HDAC9: variants seen among roughly 807,000 people sequenced by gnomAD.
HDAC9 encodes histone deacetylase 9.
A neutral mutation model predicts 139.4 loss-of-function variants in HDAC9; 41 were observed. The observed-to-expected ratio is 0.29, with a 90% CI of 0.23 to 0.38. HDAC9 has a LOEUF of 0.38. HDAC9 is among the 10% of genes least tolerant of loss of function. The probability of loss-of-function intolerance (pLI) is 1.00; values close to 1 mark genes in which losing one functional copy is unlikely to be tolerated. For synonymous variants in HDAC9, 517 were observed against 476.2 expected, an observed-to-expected ratio of 1.09 and a Z score of -1.12; for missense variants, 1,147 against 1,297.0, an observed-to-expected ratio of 0.88 and a Z score of 1.78.
At chr7:18,980,741 TCTTC>T (rs1249198192) in intron 25 of HDAC9, among the ~76,000 whole-genome samples, 1 of 101,818 alleles carries the variant, frequency 9.8e-6, no homozygotes, top group African/African-American at 4.4e-5. Context: ...TTCTTCTTCT[TCTTC>T]CTTCTTCTTC....
chr7:18,447,325 C>T (rs1179084891), intron 1 of HDAC9, among the ~76,000 whole-genome samples: 9 of 152,130 alleles, frequency 5.9e-5, no homozygotes, highest in Middle Eastern at 3.4e-3. Context: ...ACTTATATAT[C>T]GCTTACCACA....
intron 17 of HDAC9, among the ~76,000 whole-genome samples, chr7:18,819,775 T>C (rs2129197862): frequency 6.6e-6 from 1 of 152,334 alleles, no homozygotes; most frequent in Non-Finnish European, 1.5e-5. Context: ...TTAGTCATGT[T>C]CATGCCTGAA....
intron 4 of HDAC9, 40 bp downstream of exon 4, chr7:18,590,526 A>G (rs1263593101): frequency 1.3e-6 from 2 of 1,552,164 alleles, no homozygotes; most frequent in Admixed American, 2.0e-5. Flanking sequence ...CTCTTTCCTC[A>G]TCGTTAGCTG....
At chr7:18,628,022 T>G (rs1339510912) in intron 6 of HDAC9, among the ~76,000 whole-genome samples, 7 of 152,178 alleles carry the variant, frequency 4.6e-5, no homozygotes, top group Non-Finnish European at 7.3e-5. Flanking sequence ...AGAAGAATTG[T>G]AAGTTCTACC....
At chr7:18,450,505 C>T (rs1792716027) in intron 1 of HDAC9, among the ~76,000 whole-genome samples, 1 of 152,204 alleles carries the variant, frequency 6.6e-6, no homozygotes, top group Admixed American at 6.5e-5. Flanking sequence ...GCCCCTTTCC[C>T]AGTTCTGGTT....
At chr7:18,212,590 C>CA (rs1358406609) in intron 2 of HDAC9, among the ~76,000 whole-genome samples, 3 of 152,138 alleles carry the variant, frequency 2.0e-5, no homozygotes, top group African/African-American at 7.2e-5. Context: ...AATAATTGTA[C>CA]CAGCCTCCTA....
At chr7:18,912,581 T>G (rs1024010901) in intron 22 of HDAC9, among the ~76,000 whole-genome samples, 17 of 152,172 alleles carry the variant, frequency 1.1e-4, no homozygotes, top group African/African-American at 3.9e-4. Flanking sequence ...TTGCCACAAC[T>G]TGAAGGTCCC....
chr7:18,471,509 CTT>C (rs1252809663), intron 1 of HDAC9, among the ~76,000 whole-genome samples: 1 of 152,188 alleles, frequency 6.6e-6, no homozygotes, highest in African/African-American at 2.4e-5. Flanking sequence ...AGCTAAGGAT[CTT>C]TTGACTATAA....
At chr7:18,990,488 C>T (rs565947699) in intron 25 of HDAC9, among the ~76,000 whole-genome samples, 1 of 152,346 alleles carries the variant, frequency 6.6e-6, no homozygotes, top group Admixed American at 6.5e-5. Flanking sequence ...GCAGAGGTTA[C>T]TGCTGTCTTT....
chr7:18,299,835 T>C (rs948063077), intron 1 of HDAC9, among the ~76,000 whole-genome samples: 2 of 152,180 alleles, frequency 1.3e-5, no homozygotes, highest in African/African-American at 4.8e-5. Context: ...CCAATCCACC[T>C]TCATCTTAGC....
At chr7:18,507,048 C>T (rs1799984615) in intron 2 of HDAC9, among the ~76,000 whole-genome samples, 1 of 151,864 alleles carries the variant, frequency 6.6e-6, no homozygotes, top group African/African-American at 2.4e-5. Flanking sequence ...TTATATTTTA[C>T]TATTAACTCA....
intron 6 of HDAC9, among the ~76,000 whole-genome samples, chr7:18,626,556 T>C (rs1356792410): frequency 6.6e-6 from 1 of 152,218 alleles, no homozygotes; most frequent in Admixed American, 6.5e-5. Context: ...AATGAAGGTA[T>C]CATCTTAGTT....
chr7:18,348,032 G>A (rs1001862091), intron 1 of HDAC9, among the ~76,000 whole-genome samples: 2 of 152,128 alleles, frequency 1.3e-5, no homozygotes, highest in African/African-American at 2.4e-5. Context: ...TTGAAAGACG[G>A]ATCATGCAGT....
At chr7:18,870,432 GT>G (rs1324832249) in intron 21 of HDAC9, among the ~76,000 whole-genome samples, 3 of 152,102 alleles carry the variant, frequency 2.0e-5, no homozygotes, top group Non-Finnish European at 1.5e-5. Flanking sequence ...GAAGTTATAT[GT>G]TTTTAGTAAA....
At chr7:18,954,342 G>T in intron 24 of HDAC9, 112 bp downstream of exon 24, 2 of 850,372 alleles carry the variant, frequency 2.4e-6, no homozygotes, top group Admixed American at 2.5e-5. Flanking sequence ...ATTTGCACAT[G>T]CGTTCTTAAG....
intron 23 of HDAC9, among the ~76,000 whole-genome samples, chr7:18,936,777 T>A (rs1197213768): frequency 2.0e-5 from 3 of 152,188 alleles, no homozygotes; most frequent in South Asian, 2.1e-4. Context: ...AAAATCTTTT[T>A]AAAAATCTAT....
chr7:18,390,036 T>A (rs1477829770), intron 1 of HDAC9, among the ~76,000 whole-genome samples: 2 of 128,176 alleles, frequency 1.6e-5, no homozygotes, highest in African/African-American at 2.8e-5. Context: ...TGTTTGACCC[T>A]AGAGAAAGAC....
intron 24 of HDAC9, among the ~76,000 whole-genome samples, chr7:18,965,816 A>C (rs1315209168): frequency 6.6e-5 from 10 of 152,218 alleles, no homozygotes; most frequent in Non-Finnish European, 1.5e-5. Flanking sequence ...AGGGGCACTG[A>C]AAGCTGTCCT....
At chr7:18,877,411 A>G (rs1302612810) in intron 22 of HDAC9, among the ~76,000 whole-genome samples, 1 of 152,150 alleles carries the variant, frequency 6.6e-6, no homozygotes, top group Non-Finnish European at 1.5e-5. Flanking sequence ...GGTGATCCCA[A>G]AACGAAGTTA....
Sources: gnomAD v4.1 joint callset for allele counts (sites outside exome capture counted in the v4.1 genomes callset) on GRCh38, gnomAD v4.1.1 for gene constraint, MANE v1.5 for transcripts, NCBI Gene and HGNC (gene_info 2026-07-23, HGNC 2026-07-21) for gene names.